The following CALN1 variants were observed in gnomAD, a reference collection of about 807,000 sequenced individuals.
CALN1 encodes calcium-binding protein 8.
Under a neutral mutation model 30.6 loss-of-function variants are expected in CALN1, and 17 were observed. That is an observed-to-expected ratio of 0.56 (90% CI 0.38 to 0.83). The LOEUF (loss-of-function observed/expected upper bound fraction) is 0.83. Ranked by LOEUF, CALN1 falls within the 40% of genes least tolerant of loss-of-function variation. CALN1 has a pLI of 0.00. For missense variants in CALN1, 291 were observed against 354.9 expected (o/e 0.82, Z 1.45); for synonymous variants, 156 against 131.4 (o/e 1.19, Z -1.28).
intron 5 of CALN1, chr7:71,942,270 C>A: frequency 4.9e-6 from 1 of 204,212 alleles, no homozygotes; most frequent in Non-Finnish European, 1.1e-5. Context: ...TGGACACCAG[C>A]CACGTGCAGC....
At chr7:71,914,011 G>A (rs1338905690) in intron 5 of CALN1, among the ~76,000 whole-genome samples, 2 of 152,196 alleles carry the variant, frequency 1.3e-5, no homozygotes, top group Non-Finnish European at 2.9e-5. Context: ...GTAAGCAGCA[G>A]AACTGAAATT....
intron 1 of CALN1, among the ~76,000 whole-genome samples, chr7:72,417,853 G>A (rs1807470671): frequency 6.6e-6 from 1 of 152,100 alleles, no homozygotes; most frequent in Non-Finnish European, 1.5e-5. Context: ...CTTGTGTTTT[G>A]AGCCCCATGC....
At chr7:71,916,412 A>G (rs1467172961) in intron 5 of CALN1, among the ~76,000 whole-genome samples, 3 of 151,974 alleles carry the variant, frequency 2.0e-5, no homozygotes, top group Non-Finnish European at 4.4e-5. Context: ...AAGAGTGGGC[A>G]GAGGAGAAGA....
At chr7:71,903,774 G>A (rs1198149339) in intron 5 of CALN1, among the ~76,000 whole-genome samples, 5 of 152,128 alleles carry the variant, frequency 3.3e-5, no homozygotes, top group Non-Finnish European at 7.4e-5. Flanking sequence ...CCTACAGAAT[G>A]GAGGAAAATA....
intron 2 of CALN1, among the ~76,000 whole-genome samples, chr7:72,379,948 C>G (rs1170128063): frequency 6.6e-6 from 1 of 152,168 alleles, no homozygotes; most frequent in East Asian, 1.9e-4. Flanking sequence ...CTCAACTTCT[C>G]TGTTTTAATT....
chr7:72,426,485 C>T (rs1807802162), intron 1 of CALN1, among the ~76,000 whole-genome samples: 1 of 152,206 alleles, frequency 6.6e-6, no homozygotes, highest in South Asian at 2.1e-4. Context: ...ACGTTTGCTT[C>T]CCCTTCCGCC....
chr7:71,983,242 G>A (rs557523008), intron 5 of CALN1, among the ~76,000 whole-genome samples: 1 of 152,152 alleles, frequency 6.6e-6, no homozygotes, highest in Non-Finnish European at 1.5e-5. Flanking sequence ...CACTTCTTGT[G>A]TGTGTCTGTG....
chr7:72,274,128 T>A (rs1381443043), intron 3 of CALN1, among the ~76,000 whole-genome samples: 2 of 151,770 alleles, frequency 1.3e-5, no homozygotes, highest in Non-Finnish European at 2.9e-5. Flanking sequence ...GAAAATAAAT[T>A]AAGATATATT....
chr7:71,895,418 A>C (rs113340369), intron 5 of CALN1, among the ~76,000 whole-genome samples: 1 of 152,076 alleles, frequency 6.6e-6, no homozygotes, highest in African/African-American at 2.4e-5. Flanking sequence ...TTGATTTCAT[A>C]GAATTGTCTA....
At chr7:72,267,980 C>A (rs1367343472) in intron 3 of CALN1, among the ~76,000 whole-genome samples, 1 of 152,104 alleles carries the variant, frequency 6.6e-6, no homozygotes, top group Non-Finnish European at 1.5e-5. Flanking sequence ...GCACTCCAGC[C>A]GGGGCAACAG....
At chr7:72,443,674 T>G (rs1172499815) in intron 1 of CALN1, among the ~76,000 whole-genome samples, 1 of 151,824 alleles carries the variant, frequency 6.6e-6, no homozygotes, top group Admixed American at 6.6e-5. Context: ...CAGGATCCAC[T>G]AGACTCATGC....
At chr7:71,790,329 GGAAA>G (rs143453887) in intron 6 of CALN1, among the ~76,000 whole-genome samples, 19,565 of 94,174 alleles carry the variant, frequency 0.21, 1,799 homozygotes, top group African/African-American at 0.24. Flanking sequence ...AAAGAAAGAA[GGAAA>G]GAAAGAAAGA....
At chr7:72,179,745 T>TTGCTAAATATTTTAAAG (rs1304655883) in intron 3 of CALN1, among the ~76,000 whole-genome samples, 2 of 152,166 alleles carry the variant, frequency 1.3e-5, no homozygotes, top group East Asian at 3.9e-4. Flanking sequence ...TCCCCCTTTC[T>TTGCTAAATATTTTAAAG]TGCTAAAATA....
rs1797840813 is a variant in CALN1, at chr7:72,283,064, A to G, written c.120-4254T>C. Reference sequence around the variant, plus strand: ...AGGGAGACTCCATCTCAAAAAAAAAAAAAAAAAGAATCAGCACTTTCTAGT... The same window carrying G: ...AGGGAGACTCCATCTCAAAAAAAAAGAAAAAAAGAATCAGCACTTTCTAGT... On this transcript the variant is annotated intron_variant, in intron 2 of 6. Coordinates refer to ENST00000395275, the MANE Select transcript of CALN1 (RefSeq NM_031468.4). Among the ~76,000 whole-genome samples the G allele has an allele frequency of 2.0e-5, 3 of 152,032 alleles. No homozygotes were observed. In the South Asian group the frequency reaches 6.2e-4, roughly 32 times the overall value.
At chr7:72,466,877 G>A in the CALN1 span, among the ~76,000 whole-genome samples, 7 of 64,292 alleles carry the variant, frequency 1.1e-4, no homozygotes, top group East Asian at 5.7e-4. Flanking sequence ...AAAGAAAGAA[G>A]GAAAGAAAGA....
intron 3 of CALN1, among the ~76,000 whole-genome samples, chr7:72,171,996 T>C (rs945562267): frequency 3.3e-5 from 5 of 152,124 alleles, no homozygotes; most frequent in Non-Finnish European, 5.9e-5. Context: ...TGAGAATTGA[T>C]GAAAGCAGGA....
intron 5 of CALN1, among the ~76,000 whole-genome samples, chr7:71,908,115 T>C (rs1422013215): frequency 6.6e-6 from 1 of 152,188 alleles, no homozygotes; most frequent in Non-Finnish European, 1.5e-5. Context: ...TCTAGGCTTC[T>C]CACTTCACAC....
chr7:72,263,502 CCTT>C (rs1562811174), intron 3 of CALN1, among the ~76,000 whole-genome samples: 1 of 152,028 alleles, frequency 6.6e-6, no homozygotes, highest in African/African-American at 2.4e-5. Context: ...CTCACACAAT[CCTT>C]CTCCCTCAGC....
At chr7:72,087,984 A>C (rs1267347440) in intron 4 of CALN1, among the ~76,000 whole-genome samples, 2 of 152,070 alleles carry the variant, frequency 1.3e-5, no homozygotes, top group African/African-American at 4.8e-5. Flanking sequence ...AAAACACAGT[A>C]AGACCCCGCC....
Sources: gnomAD v4.1 joint callset for allele counts (sites outside exome capture counted in the v4.1 genomes callset) on GRCh38, gnomAD v4.1.1 for gene constraint, MANE v1.5 for transcripts, NCBI Gene and HGNC (gene_info 2026-07-23, HGNC 2026-07-21) for gene names.